The following NUP188 variants were observed in gnomAD, a reference collection of about 807,000 sequenced individuals.
NUP188 encodes the protein nucleoporin 188.
Under a neutral mutation model 223.0 loss-of-function variants are expected in NUP188, and 97 were observed. The observed-to-expected ratio is 0.43, with a 90% confidence interval of 0.37 to 0.51. NUP188 has a LOEUF of 0.51. Ranked by LOEUF, NUP188 falls within the 20% of genes least tolerant of loss-of-function variation. NUP188 has a pLI of 0.00. For synonymous variants in NUP188, 869 were observed against 828.0 expected, an observed-to-expected ratio of 1.05 and a Z score of -0.85; for missense variants, 1,947 against 2,175.6, an observed-to-expected ratio of 0.89 and a Z score of 2.09.
Position 128,999,728 on chromosome 9 carries a change from G to C in NUP188, c.3766G>C (p.Gly1256Arg). 1 of 1,614,220 alleles carries C rather than the reference G, an allele frequency of 6.2e-7. No individual in the cohort carries two copies. Among genetic ancestry groups the C allele is most frequent in the Non-Finnish European group, 8.5e-7 (1 of 1,180,040 alleles). Residue 1256 changes from glycine to arginine, a missense_variant, in exon 34 of 44, where the codon GGC becomes CGC. Gly to Arg is a moderately radical substitution (Grantham distance 125). Around this residue, in one of 3 missense-constraint regions of NUP188, gnomAD observed 905 missense variants for 990.6 expected, o/e 0.91. Transcript: ENST00000372577. Reference sequence around the variant, plus strand: ...CCAGACCCGCCACAGTCTGGCATTAGGCAGTGCCACAGAGGACAAGGACAG... The same window carrying C: ...CCAGACCCGCCACAGTCTGGCATTACGCAGTGCCACAGAGGACAAGGACAG... ...FDQTRHSLAL[G>R]SATEDKDSME...
intron 8 of NUP188, among the ~76,000 whole-genome samples, chr9:128,966,475 C>T (rs1327979911): frequency 6.6e-6 from 1 of 151,746 alleles, no homozygotes; most frequent in African/African-American, 2.4e-5. Flanking sequence ...CTCCTGGGCT[C>T]AGGTAATCCT....
chr9:128,973,246 G>A lies in NUP188; in HGVS notation c.1200G>A (p.Gln400=), dbSNP rs776347862. Reference sequence around the variant, plus strand: ...TGGAGCTGCACACCCTGGGCAATCAGCAGGTCAGTGTCTGGCTTTCATGAA... The same window carrying A: ...TGGAGCTGCACACCCTGGGCAATCAACAGGTCAGTGTCTGGCTTTCATGAA... ...TSLELHTLGN[Q]QDIIDTACEV... The change falls in exon 12 of 44, where the codon CAG becomes CAA. Residue 400 remains glutamine, a synonymous_variant. Transcript: ENST00000372577. 2 of 1,611,818 alleles carry A rather than the reference G, an allele frequency of 1.2e-6. No individual in the cohort carries two copies. The highest frequency in any genetic ancestry group is 4.5e-5 in the East Asian group (2 of 44,870).
Position 128,998,598 on chromosome 9 carries a change from C to T in NUP188, c.3490C>T (p.Leu1164Phe), listed in dbSNP as rs867612966. ...TGGCTCCATGAAGTGCACTCTGCTG[C>T]TTATCCTCCTCCGGCAGTGGAAGAG... ...RLGSMKCTLL[L>F]ILLRQWKREL... is the part of the protein sequence containing the mutation. The change falls in exon 32 of 44, where the codon CTT becomes TTT. Residue 1164 changes from leucine (L) to phenylalanine (F), a missense_variant. Physicochemically the swap from Leu to Phe is conservative, Grantham distance 22. This residue lies in a region of NUP188 where 905 missense variants were observed against 990.6 expected (regional missense o/e 0.91). Coordinates refer to ENST00000372577, the MANE Select transcript of NUP188 (RefSeq NM_015354.3). 23 of 1,614,022 alleles carry T rather than the reference C, an allele frequency of 1.4e-5. No homozygotes were observed. The East Asian group carries it at 2.5e-4, about 17-fold the overall frequency.
intron 14 of NUP188, 107 bp from the exon 15 acceptor site, chr9:128,981,157 T>G (rs140279822): frequency 7.5e-7 from 1 of 1,338,192 alleles, no homozygotes; most frequent in African/African-American, 1.5e-5. Flanking sequence ...ACAGTCACAG[T>G]GGTGGGCTTG....
At position 129,006,960 on chromosome 9, in the gene NUP188, T is replaced by TGCCGGCCAGGGGAGAGGCG. The variant is rs1842825285; in HGVS notation, c.*285_*303dup. On this transcript the variant is annotated 3_prime_UTR_variant, in exon 44 of 44. Transcript: ENST00000372577. ...TCCTTTCCAGCATTCCCCACAGCAC[T>TGCCGGCCAGGGGAGAGGCG]GCCGGCCAGGGGAGAGGCGGCAGCC... 1 of 349,544 alleles carries TGCCGGCCAGGGGAGAGGCG rather than the reference T, an allele frequency of 2.9e-6. No individual in the cohort carries two copies. The highest frequency in any genetic ancestry group is 4.4e-5 in the Admixed American group (1 of 22,844). 21.7% of individuals were successfully genotyped at this position (349,544 alleles called of 1,614,324 possible).
In NUP188 at chr9:128,999,792, A is replaced by G; in HGVS notation, c.3830A>G (p.Asp1277Gly). ...GACTGTTCTCGGTCCCGGCACAGGGACCAGCGTGATGGGGTGAGACAGTGC... is the reference window on the plus strand; with the variant it reads ...GACTGTTCTCGGTCCCGGCACAGGGGCCAGCGTGATGGGGTGAGACAGTGC... ...TDDCSRSRHR[D>G]QRDGVCVLGL... Residue 1277 changes from aspartate (D) to glycine (G), a missense_variant, in exon 34 of 44, where the codon GAC becomes GGC. Physicochemically the swap from Asp to Gly is moderately conservative, Grantham distance 94 (BLOSUM62 -1). Transcript: ENST00000372577. 6.2e-7 allele frequency: 1 copy of G among 1,614,188 alleles called. No individual in the cohort carries two copies. The highest frequency in any genetic ancestry group is 1.3e-5 in the African/African-American group (1 of 75,064).
rs1842276961 is a variant in NUP188 at position 128,982,922 on chromosome 9, C to T, written c.1690C>T (p.Arg564Ter). 6 of 1,614,126 alleles carry T rather than the reference C, an allele frequency of 3.7e-6. No individual in the cohort carries two copies. Among genetic ancestry groups the T allele is most frequent in the South Asian group, 1.1e-5 (1 of 91,082 alleles). ...STADVIQHCQ[R>*]VKPIIDLVHK... Reference sequence around the variant, plus strand: ...CTCAGATGTGATTCAGCACTGCCAGCGAGTCAAACCCATCATTGATCTCGT... The same window carrying T: ...CTCAGATGTGATTCAGCACTGCCAGTGAGTCAAACCCATCATTGATCTCGT... Residue 564 changes from arginine to a stop codon, truncating the protein, a stop_gained, in exon 17 of 44, where the codon CGA (arginine) becomes TGA (stop). Coordinates refer to ENST00000372577, the MANE Select transcript of NUP188 (RefSeq NM_015354.3). LOFTEE classifies it high-confidence loss of function.
chr9:128,966,995 T>C (rs922677197), intron 8 of NUP188, among the ~76,000 whole-genome samples: 2 of 152,110 alleles, frequency 1.3e-5, no homozygotes, highest in Non-Finnish European at 2.9e-5. Flanking sequence ...AATAAAAGGA[T>C]TAAAAATAGG....
Position 128,952,834 on chromosome 9 carries a change from A to G in NUP188, c.149A>G (p.Tyr50Cys). Residue 50 changes from tyrosine (Y) to cysteine (C), a missense_variant, in exon 3 of 44, where the codon TAC becomes TGC. This residue lies in a region of NUP188 where 817 missense variants were observed against 865.8 expected (regional missense o/e 0.94). Coordinates refer to ENST00000372577, the MANE Select transcript of NUP188 (RefSeq NM_015354.3). ...WRRLLEGLSY[Y>C]KPPSPSSAEK... is the part of the protein sequence containing the mutation. ...CGATTGTTAGAGGGGCTTTCTTACT[A>G]CAAACCTCCCAGGTATGGCAGTTCC... 1 of 1,613,640 alleles carries G rather than the reference A, an allele frequency of 6.2e-7. No homozygotes were observed. Among genetic ancestry groups the G allele is most frequent in the South Asian group, 1.1e-5 (1 of 91,076 alleles).
At chr9:128,985,182 T>A (rs1842316843) in intron 20 of NUP188, 168 bp downstream of exon 20, 1 of 561,170 alleles carries the variant, frequency 1.8e-6, no homozygotes, top group Non-Finnish European at 3.2e-6. Context: ...GAGTACCTAG[T>A]ATGTGCCAGT....
intron 28 of NUP188, 129 bp downstream of exon 28, chr9:128,994,571 C>T (rs191965935): frequency 8.0e-6 from 6 of 750,958 alleles, no homozygotes; most frequent in East Asian, 4.9e-5. Context: ...TCACTAGAAA[C>T]GTCTTTCTCA....
intron 30 of NUP188, 35 bp downstream of exon 30, chr9:128,995,549 A>G (rs370756449): frequency 1.1e-5 from 17 of 1,520,080 alleles, no homozygotes; most frequent in Non-Finnish European, 1.5e-5. Flanking sequence ...TCACTTTGGT[A>G]CCTTAGCAAT....
intron 3 of NUP188, 151 bp downstream of exon 3, chr9:128,952,997 A>T (rs546471716): frequency 1.5e-5 from 9 of 613,804 alleles, no homozygotes; most frequent in South Asian, 1.5e-4. Context: ...AGTAGGGTAC[A>T]TTTGTTTTTT....
chr9:129,002,537 G>T lies in NUP188; in HGVS notation c.4138-280G>T, dbSNP rs560588171. ...CTAGCCCAGCTACCCCTTAGAGGAA[G>T]TATGTAGGGGCCAGAGCAGGGCAGT... On this transcript the variant is annotated intron_variant, in intron 36 of 43. Coordinates refer to ENST00000372577, the MANE Select transcript of NUP188 (RefSeq NM_015354.3). Among the ~76,000 whole-genome samples, 9 of 152,378 alleles carry T rather than the reference G, an allele frequency of 5.9e-5. No individual in the cohort carries two copies. The South Asian group carries it at 1.2e-3, about 21-fold the overall frequency.
chr9:128,971,962 G>C (rs1221382317), intron 11 of NUP188, among the ~76,000 whole-genome samples: 3 of 151,864 alleles, frequency 2.0e-5, no homozygotes, highest in African/African-American at 7.3e-5. Context: ...AGTAGGGATG[G>C]GGTTTCACCA....
Position 128,994,927 on chromosome 9 carries a change from A to G in NUP188, c.3155+4A>G. On this transcript the variant is annotated splice_donor_region_variant and intron_variant, in intron 29 of 43. Coordinates refer to ENST00000372577, the MANE Select transcript of NUP188 (RefSeq NM_015354.3). ...TGGAGATATACTATGTAGTAAAGTG[A>G]GTACTTTCCCCTCTTGAGATTTTAA... is the stretch of plus-strand genomic sequence containing the variant. 1.2e-6 allele frequency: 2 copies of G among 1,601,880 alleles called. No homozygotes were observed. The highest frequency in any genetic ancestry group is 1.7e-6 in the Non-Finnish European group (2 of 1,168,878).
Position 129,003,205 on chromosome 9 carries a change from C to T in NUP188, c.4297-112C>T, listed in dbSNP as rs895444881. ...GTTGTACCACTAAGCCATTTCTTTG[C>T]CAACTCAGCATTTGGGGGCCTGGGA... On this transcript the variant is annotated intron_variant, in intron 37 of 43. Coordinates refer to ENST00000372577, the MANE Select transcript of NUP188 (RefSeq NM_015354.3). 8.1e-6 allele frequency: 11 copies of T among 1,352,818 alleles called. No individual in the cohort carries two copies. The Middle Eastern group carries it at 1.1e-3, about 130-fold the overall frequency. 83.8% of individuals were successfully genotyped at this position (1,352,818 alleles called of 1,614,324 possible).
chr9:128,974,454 G>A (rs1449595182), intron 12 of NUP188, among the ~76,000 whole-genome samples: 1 of 137,468 alleles, frequency 7.3e-6, no homozygotes, highest in African/African-American at 2.8e-5. Flanking sequence ...TTGAACTCCT[G>A]GGCTTAAGCT....
chr9:128,958,948 T>G, intron 7 of NUP188, 54 bp downstream of exon 7: 1 of 1,396,614 alleles, frequency 7.2e-7, no homozygotes, highest in South Asian at 1.4e-5. Flanking sequence ...CTTAATAATT[T>G]TATTAATATT....
Sources: allele counts gnomAD v4.1 joint callset (sites outside exome capture counted in the v4.1 genomes callset), GRCh38; gene constraint gnomAD v4.1.1; regional missense constraint gnomAD v4.1.1; transcripts MANE v1.5; gene names NCBI Gene and HGNC (gene_info 2026-07-23, HGNC 2026-07-21).